Variants in MYBL2 observed in about 807,000 individuals in gnomAD.
MYBL2 encodes the protein myb-related protein B.
Under a neutral mutation model 79.9 loss-of-function variants are expected in MYBL2, and 28 were observed. That is an observed-to-expected ratio of 0.35 (90% confidence interval 0.26 to 0.48). The LOEUF (loss-of-function observed/expected upper bound fraction) is 0.48. Among genes scored for constraint, MYBL2 ranks in the 20% least tolerant of loss-of-function variants. MYBL2 has a pLI of 0.99. For missense variants in MYBL2, 735 were observed against 893.9 expected, an observed-to-expected ratio of 0.82 and a Z score of 2.27; for synonymous variants, 378 against 361.2, an observed-to-expected ratio of 1.05 and a Z score of -0.53.
At chr20:43,708,292 G>T (rs893085504) in intron 9 of MYBL2, among the ~76,000 whole-genome samples, 3 of 151,954 alleles carry the variant, frequency 2.0e-5, no homozygotes, top group African/African-American at 7.3e-5. Context: ...GAGAGACAGG[G>T]TCTCACTGTG....
chr20:43,692,267 T>C lies in MYBL2; in HGVS notation c.611T>C (p.Leu204Pro). ...KDCKPPVYLL[L>P]ELEDKDGLQS... is the part of the protein sequence containing the mutation. ...TGCAAGCCCCCAGTGTACTTGCTGC[T>C]GGAGCTCGAGGACAAGGACGGCCTC... The change falls in exon 6 of 14, where the codon CTG becomes CCG. Residue 204 changes from leucine to proline, a missense_variant. Physicochemically the swap from Leu to Pro is moderately conservative, Grantham distance 98. This residue lies in a region of MYBL2 where 144 missense variants were observed against 131.9 expected (regional missense o/e 1.09). Coordinates refer to ENST00000217026, the MANE Select transcript of MYBL2 (RefSeq NM_002466.4). The C allele has an allele frequency of 6.2e-7, 1 of 1,614,210 alleles. No individual in the cohort carries two copies. Among genetic ancestry groups the C allele is most frequent in the Non-Finnish European group, 8.5e-7 (1 of 1,180,036 alleles).
intron 12 of MYBL2, 55 bp downstream of exon 12, chr20:43,713,161 A>T: frequency 8.1e-7 from 1 of 1,239,054 alleles, no homozygotes; most frequent in Non-Finnish European, 1.1e-6. Context: ...CTCAAGGTGG[A>T]GTTAGTGTAG....
intron 7 of MYBL2, among the ~76,000 whole-genome samples, chr20:43,700,775 C>T (rs1987660604): frequency 6.6e-6 from 1 of 152,100 alleles, no homozygotes; most frequent in Non-Finnish European, 1.5e-5. Flanking sequence ...TGTGTCATTT[C>T]TGTTTTTTAG....
At chr20:43,711,936 G>A (rs909176615) in intron 11 of MYBL2, among the ~76,000 whole-genome samples, 11 of 152,170 alleles carry the variant, frequency 7.2e-5, no homozygotes, top group South Asian at 2.1e-4. Context: ...GGCAGAGACA[G>A]ATGCTAGACA....
intron 2 of MYBL2, among the ~76,000 whole-genome samples, chr20:43,681,021 TCATGTG>T (rs1417289920): frequency 1.3e-5 from 2 of 152,160 alleles, no homozygotes; most frequent in East Asian, 3.8e-4. Flanking sequence ...TTCTAGAACT[TCATGTG>T]CATGGAATCA....
intron 1 of MYBL2, among the ~76,000 whole-genome samples, chr20:43,669,599 G>T (rs1275251659): frequency 6.6e-6 from 1 of 152,178 alleles, no homozygotes; most frequent in African/African-American, 2.4e-5. Context: ...CCACTAACTG[G>T]ACTCTGCTTT....
intron 8 of MYBL2, 60 bp downstream of exon 8, chr20:43,702,963 T>C: frequency 6.6e-7 from 1 of 1,516,800 alleles, no homozygotes; most frequent in Non-Finnish European, 8.9e-7. Flanking sequence ...TGTTCAGTGC[T>C]GGGGCAAGGG....
intron 8 of MYBL2, among the ~76,000 whole-genome samples, chr20:43,704,042 C>CAGGCTGG (rs1270690482): frequency 7.2e-5 from 11 of 152,264 alleles, no homozygotes; most frequent in Admixed American, 2.0e-4. Flanking sequence ...CTCTGTTGCC[C>CAGGCTGG]AGGCTGGAGG....
intron 5 of MYBL2, 29 bp from the exon 6 acceptor site, chr20:43,692,128 G>A (rs373833841): frequency 3.4e-5 from 54 of 1,609,400 alleles, no homozygotes; most frequent in Non-Finnish European, 4.1e-5. Context: ...CAGAGCTGGG[G>A]TTCAAAGGCC....
intron 5 of MYBL2, among the ~76,000 whole-genome samples, chr20:43,689,146 C>T (rs751285088): frequency 6.6e-6 from 1 of 152,186 alleles, no homozygotes; most frequent in Non-Finnish European, 1.5e-5. Flanking sequence ...TAAAAAATCT[C>T]TTACTAGTGG....
chr20:43,686,959 C>G lies in MYBL2; in HGVS notation c.387C>G (p.Leu129=), dbSNP rs1987290528. ...GCCGTGAACGCTGGCACAACCACCTCAACCCTGAGGTGAAGAAGTCTTGCT... is the reference window on the plus strand; with the variant it reads ...GCCGTGAACGCTGGCACAACCACCTGAACCCTGAGGTGAAGAAGTCTTGCT... ...KQCRERWHNH[L]NPEVKKSCWT... Residue 129 remains leucine (L), a synonymous_variant, in exon 5 of 14, where the codon CTC becomes CTG. Coordinates refer to ENST00000217026, the MANE Select transcript of MYBL2 (RefSeq NM_002466.4). 6.2e-7 allele frequency: 1 copy of G among 1,614,128 alleles called. No individual in the cohort carries two copies. Among genetic ancestry groups the G allele is most frequent in the Non-Finnish European group, 8.5e-7 (1 of 1,180,054 alleles).
At chr20:43,681,088 CTG>C (rs1987130465) in intron 2 of MYBL2, among the ~76,000 whole-genome samples, 1 of 152,186 alleles carries the variant, frequency 6.6e-6, no homozygotes, top group Non-Finnish European at 1.5e-5. Flanking sequence ...CATAGTGACA[CTG>C]AGATTCATGT....
At chr20:43,685,141 CTG>C (rs1987241208) in intron 4 of MYBL2, among the ~76,000 whole-genome samples, 1 of 56,336 alleles carries the variant, frequency 1.8e-5, no homozygotes, top group Non-Finnish European at 4.3e-5. Flanking sequence ...GAGCGAAACT[CTG>C]TCTCAAAAAA....
Position 43,702,557 on chromosome 20 carries a change from T to C in MYBL2, c.1019T>C (p.Ile340Thr). 6.2e-7 allele frequency: 1 copy of C among 1,614,118 alleles called. No homozygotes were observed. The highest frequency in any genetic ancestry group is 8.5e-7 in the Non-Finnish European group (1 of 1,180,016). The change falls in exon 8 of 14, where the codon ATC (isoleucine) becomes ACC (threonine). Residue 340 changes from isoleucine (I) to threonine (T), a missense_variant. Around this residue, in one of 5 missense-constraint regions of MYBL2, gnomAD observed 243 missense variants for 327.2 expected, o/e 0.74. Transcript: ENST00000217026. ...LPEEPSAEDS[I>T]NNSLVQLQAS... ...GAGGAACCATCTGCAGAGGACAGTA[T>C]CAACAACAGCCTAGTGCAGCTGCAA...
chr20:43,685,521 A>G (rs897979745), intron 4 of MYBL2, among the ~76,000 whole-genome samples: 34 of 152,112 alleles, frequency 2.2e-4, no homozygotes, highest in Admixed American at 1.2e-3. Flanking sequence ...ATTTAGTTTG[A>G]AAATACTTTT....
At chr20:43,689,440 T>G (rs1987354503) in intron 5 of MYBL2, among the ~76,000 whole-genome samples, 1 of 152,172 alleles carries the variant, frequency 6.6e-6, no homozygotes. Flanking sequence ...TCACTTGTGC[T>G]TACTCGGTGT....
chr20:43,711,414 G>A (rs1600566364), intron 10 of MYBL2, 74 bp from the exon 11 acceptor site: 1 of 1,194,784 alleles, frequency 8.4e-7, no homozygotes. Flanking sequence ...TTGCAGCTGG[G>A]TTGGTCCCAC....
chr20:43,715,304 T>G (rs781122838), intron 13 of MYBL2, 21 bp downstream of exon 13: 3 of 1,613,758 alleles, frequency 1.9e-6, no homozygotes, highest in African/African-American at 1.3e-5. Flanking sequence ...TGGCCATCTC[T>G]GGGGGTCCTG....
At chr20:43,710,500 G>A (rs1987881046) in intron 10 of MYBL2, among the ~76,000 whole-genome samples, 1 of 152,206 alleles carries the variant, frequency 6.6e-6, no homozygotes, top group Admixed American at 6.5e-5. Flanking sequence ...CAGTGTGCAG[G>A]CTGCCCTTCT....
Sources: gnomAD v4.1 joint callset for allele counts (sites outside exome capture counted in the v4.1 genomes callset) on GRCh38, gnomAD v4.1.1 for gene constraint, gnomAD v4.1.1 regional missense constraint, MANE v1.5 for transcripts, NCBI Gene and HGNC (gene_info 2026-07-23, HGNC 2026-07-21) for gene names.